Variants in CACNA2D3 observed in about 807,000 individuals in gnomAD.
CACNA2D3 encodes the protein calcium voltage-gated channel auxiliary subunit alpha2delta 3, also known as voltage-dependent calcium channel subunit alpha-2/delta-3.
In CACNA2D3, 60 loss-of-function variants were observed where a neutral mutation model predicts 160.6. The observed-to-expected ratio is 0.37, with a 90% CI of 0.30 to 0.46. The LOEUF (loss-of-function observed/expected upper bound fraction) is 0.46, where lower values mean the gene tolerates loss of function less well. CACNA2D3 is among the 20% of genes least tolerant of loss of function. The pLI, the probability that CACNA2D3 is intolerant of heterozygous loss-of-function variation, is 1.00. For missense variants in CACNA2D3, 1,205 were observed against 1,365.0 expected, an observed-to-expected ratio of 0.88 and a Z score of 1.85; for synonymous variants, 558 against 492.9, an observed-to-expected ratio of 1.13 and a Z score of -1.75.
rs79335751 is a variant in CACNA2D3 at position 54,584,637 on chromosome 3, T to G, written c.963+2760T>G. On this transcript the variant is annotated intron_variant, in intron 9 of 37. Coordinates refer to ENST00000474759, the MANE Select transcript of CACNA2D3 (RefSeq NM_018398.3). The stretch of plus-strand genomic sequence containing the variant: ...ATTTAAAGATGTATTGTCTGGAAAC[T>G]CCCCCAAACTGGGTAAAAGGTGTAA... Among the ~76,000 whole-genome samples, 1,375 of 152,094 alleles carry G rather than the reference T, an allele frequency of 9.0e-3. 28 individuals carry two copies. The highest frequency in any genetic ancestry group is 0.032 in the African/African-American group (1,307 of 41,492).
intron 11 of CACNA2D3, among the ~76,000 whole-genome samples, chr3:54,696,336 CAGG>C (rs746773761): frequency 1.1e-4 from 17 of 152,106 alleles, no homozygotes; most frequent in Non-Finnish European, 2.2e-4. Flanking sequence ...CATGGCAGGG[CAGG>C]AGGAGTCTGC....
At chr3:54,355,706 A>T (rs1264902806) in intron 3 of CACNA2D3, among the ~76,000 whole-genome samples, 2 of 152,160 alleles carry the variant, frequency 1.3e-5, no homozygotes, top group Non-Finnish European at 2.9e-5. Flanking sequence ...TGTGAGGCCT[A>T]AGCCCAGGGC....
At chr3:54,881,961 G>A (rs1339864429) in intron 21 of CACNA2D3, among the ~76,000 whole-genome samples, 1 of 152,188 alleles carries the variant, frequency 6.6e-6, no homozygotes, top group Non-Finnish European at 1.5e-5. Flanking sequence ...GTTGGTTTGT[G>A]CTTCCCAAGT....
intron 27 of CACNA2D3, chr3:54,924,767 C>T (rs376696012): frequency 3.2e-5 from 51 of 1,613,932 alleles, no homozygotes; most frequent in Middle Eastern, 3.3e-4. Context: ...TTTGTTGAAC[C>T]GCAAGTATAG....
chr3:54,218,607 T>C (rs1266142179), intron 2 of CACNA2D3, among the ~76,000 whole-genome samples: 1 of 152,204 alleles, frequency 6.6e-6, no homozygotes, highest in Non-Finnish European at 1.5e-5. Context: ...AGTCAGTGTG[T>C]TAGTTTCTTT....
intron 35 of CACNA2D3, among the ~76,000 whole-genome samples, chr3:55,031,929 A>G (rs1703697800): frequency 6.6e-6 from 1 of 152,188 alleles, no homozygotes; most frequent in South Asian, 2.1e-4. Flanking sequence ...TAGAAAACAA[A>G]TTATATATTT....
At chr3:54,461,450 C>T (rs1364567827) in intron 4 of CACNA2D3, among the ~76,000 whole-genome samples, 2 of 151,386 alleles carry the variant, frequency 1.3e-5, no homozygotes, top group Non-Finnish European at 3.0e-5. Flanking sequence ...GCCACAATTT[C>T]AGCTCCTGTT....
intron 2 of CACNA2D3, among the ~76,000 whole-genome samples, chr3:54,123,940 A>C (rs1164565877): frequency 6.6e-6 from 1 of 152,166 alleles, no homozygotes; most frequent in Non-Finnish European, 1.5e-5. Context: ...AACTTCATCC[A>C]AGGGGCAGAC....
chr3:55,055,662 A>AT (rs1164777075), intron 35 of CACNA2D3, among the ~76,000 whole-genome samples: 1 of 151,996 alleles, frequency 6.6e-6, no homozygotes, highest in Non-Finnish European at 1.5e-5. Flanking sequence ...AGCAATATTG[A>AT]TTTTTCCAAT....
intron 35 of CACNA2D3, among the ~76,000 whole-genome samples, chr3:55,022,669 G>A (rs1235699232): frequency 2.1e-4 from 21 of 102,022 alleles, no homozygotes; most frequent in Admixed American, 1.5e-3. Flanking sequence ...CCTTTTCTTC[G>A]TTTCTTTCCC....
At chr3:54,794,112 C>T (rs116046028) in intron 13 of CACNA2D3, among the ~76,000 whole-genome samples, 2,800 of 152,138 alleles carry the variant, frequency 0.018, 28 homozygotes, top group Middle Eastern at 0.044. Context: ...ATATAATGAT[C>T]ACACATATAT....
chr3:54,867,091 T>G (rs1273981878), intron 17 of CACNA2D3, among the ~76,000 whole-genome samples: 2 of 152,198 alleles, frequency 1.3e-5, no homozygotes, highest in Admixed American at 6.5e-5. Context: ...TTACAGATTA[T>G]AGATACACTA....
chr3:55,045,539 G>A (rs372136200), intron 35 of CACNA2D3, among the ~76,000 whole-genome samples: 8 of 152,292 alleles, frequency 5.3e-5, no homozygotes, highest in Middle Eastern at 3.4e-3. Context: ...AGATTTCGTT[G>A]TAGAAAAAGT....
chr3:54,552,613 A>G (rs1206482316), intron 5 of CACNA2D3, among the ~76,000 whole-genome samples: 1 of 152,150 alleles, frequency 6.6e-6, no homozygotes, highest in African/African-American at 2.4e-5. Flanking sequence ...GTGGCTAGGA[A>G]AAGTAGTTCA....
chr3:54,545,262 G>A (rs563479913), intron 5 of CACNA2D3, among the ~76,000 whole-genome samples: 11 of 152,250 alleles, frequency 7.2e-5, no homozygotes, highest in African/African-American at 2.6e-4. Flanking sequence ...TGACTTTAAA[G>A]CATGTTCTTT....
chr3:54,549,377 C>T (rs1172435871), intron 5 of CACNA2D3, among the ~76,000 whole-genome samples: 10 of 152,136 alleles, frequency 6.6e-5, no homozygotes, highest in African/African-American at 2.4e-4. Flanking sequence ...ACCCAGGAGG[C>T]GGAACTTGCA....
At chr3:54,629,935 A>G (rs1699199105) in intron 10 of CACNA2D3, among the ~76,000 whole-genome samples, 1 of 152,128 alleles carries the variant, frequency 6.6e-6, no homozygotes, top group South Asian at 2.1e-4. Context: ...AGATTGTTGT[A>G]TGGTTAAGTC....
intron 27 of CACNA2D3, among the ~76,000 whole-genome samples, chr3:54,937,206 G>A (rs1274132927): frequency 1.3e-5 from 2 of 152,306 alleles, no homozygotes; most frequent in South Asian, 2.1e-4. Flanking sequence ...GATGAAAGAA[G>A]TATCTACTGA....
intron 3 of CACNA2D3, among the ~76,000 whole-genome samples, chr3:54,361,893 C>T (rs1698749710): frequency 6.6e-6 from 1 of 152,168 alleles, no homozygotes; most frequent in Non-Finnish European, 1.5e-5. Context: ...GAATTTTATG[C>T]ATGTGCGTGT....
Sources: allele counts gnomAD v4.1 joint callset (sites outside exome capture counted in the v4.1 genomes callset), GRCh38; gene constraint gnomAD v4.1.1; transcripts MANE v1.5; gene names NCBI Gene and HGNC (gene_info 2026-07-23, HGNC 2026-07-21).